Variants in PHTF2 observed in about 807,000 individuals in gnomAD.
PHTF2 encodes the protein protein PHTF2.
PHTF2 carries 60 observed loss-of-function variants against 101.2 expected under a neutral mutation model. The ratio of observed to expected loss-of-function variants is 0.59; its 90% CI spans 0.48 to 0.73. PHTF2 has a LOEUF of 0.73. PHTF2 is among the 30% of genes least tolerant of loss of function. The pLI, the probability that PHTF2 is intolerant of heterozygous loss-of-function variation, is 0.00. For missense variants in PHTF2, 747 were observed against 908.7 expected (o/e 0.82, Z 2.29); for synonymous variants, 311 against 307.3 (o/e 1.01, Z -0.13).
chr7:77,830,333 A>G (rs1442720244), intron 1 of PHTF2, among the ~76,000 whole-genome samples: 6 of 152,210 alleles, frequency 3.9e-5, no homozygotes, highest in Admixed American at 1.3e-4. Flanking sequence ...TAAAGTTTAT[A>G]TTATAAATTA....
At chr7:77,912,912 T>C (rs1802544933) in intron 9 of PHTF2, among the ~76,000 whole-genome samples, 1 of 151,854 alleles carries the variant, frequency 6.6e-6, no homozygotes, top group East Asian at 1.9e-4. Flanking sequence ...GAACCACTAT[T>C]TTAAAACCCT....
chr7:77,834,759 A>G (rs1013746441), intron 1 of PHTF2, among the ~76,000 whole-genome samples: 2 of 152,194 alleles, frequency 1.3e-5, no homozygotes, highest in Non-Finnish European at 2.9e-5. Flanking sequence ...CTTGATGCTT[A>G]GTCATTGCTT....
chr7:77,885,255 G>T (rs1799735331), intron 3 of PHTF2, among the ~76,000 whole-genome samples: 1 of 151,836 alleles, frequency 6.6e-6, no homozygotes, highest in Non-Finnish European at 1.5e-5. Flanking sequence ...TGCTGTACCT[G>T]GCTGATTTTT....
At chr7:77,879,041 G>C (rs770615462) in intron 3 of PHTF2, among the ~76,000 whole-genome samples, 2 of 152,104 alleles carry the variant, frequency 1.3e-5, no homozygotes, top group Non-Finnish European at 2.9e-5. Context: ...GCAGTCCCAG[G>C]TACTTAAGCC....
chr7:77,855,231 C>T (rs916086924), intron 3 of PHTF2, among the ~76,000 whole-genome samples: 1 of 152,234 alleles, frequency 6.6e-6, no homozygotes, highest in Admixed American at 6.5e-5. Context: ...AGTGGGTTCC[C>T]TTCTGTCCCA....
intron 1 of PHTF2, among the ~76,000 whole-genome samples, chr7:77,821,126 G>GTT (rs56131046): frequency 1.3e-5 from 2 of 149,620 alleles, no homozygotes; most frequent in African/African-American, 2.4e-5. Flanking sequence ...TTGGATGGCA[G>GTT]TTTTTTTTTT....
chr7:77,812,778 A>G (rs1793543412), intron 1 of PHTF2, among the ~76,000 whole-genome samples: 1 of 151,998 alleles, frequency 6.6e-6, no homozygotes, highest in Non-Finnish European at 1.5e-5. Flanking sequence ...TTTAGTAGAG[A>G]TGGGGTTTCA....
At position 77,920,381 on chromosome 7, in the gene PHTF2, A is replaced by G. The variant is rs780362374; in HGVS notation, c.879A>G (p.Ile293Met). The G allele has an allele frequency of 4.3e-6, 7 of 1,612,964 alleles. No homozygotes were observed. The African/African-American group carries it at 9.3e-5, about 22-fold the overall frequency. ...CTGTTAAAAGCGGTGAAGATGGAAT[A>G]CAAAACCATGAACCTCAGTGTGAAA... is the stretch of plus-strand genomic sequence containing the variant. Residue 293 changes from isoleucine (I) to methionine (M), a missense_variant, in exon 10 of 20, where the codon ATA becomes ATG. Ile to Met is a conservative substitution (Grantham distance 10). This residue lies in a region of PHTF2 where 349 missense variants were observed against 369.7 expected (regional missense o/e 0.94). Transcript: ENST00000416283.
chr7:77,802,885 A>G (rs187038706), intron 1 of PHTF2, among the ~76,000 whole-genome samples: 1 of 152,202 alleles, frequency 6.6e-6, no homozygotes, highest in Non-Finnish European at 1.5e-5. Flanking sequence ...TCGTGCTTCT[A>G]TCTTCTTCTC....
chr7:77,843,086 A>T (rs545931680), intron 2 of PHTF2, among the ~76,000 whole-genome samples: 1 of 152,234 alleles, frequency 6.6e-6, no homozygotes, highest in African/African-American at 2.4e-5. Context: ...TGGTCATTTT[A>T]TTGTAGATGT....
rs142456806 is a variant in PHTF2, at chr7:77,898,400, G to C, written c.217-2311G>C. On this transcript the variant is annotated intron_variant, in intron 5 of 19. Coordinates refer to ENST00000416283, the Ensembl canonical transcript of PHTF2. ...TTCAAATATTTTTACAGTAATAAAG[G>C]TAAAATCTTACTGTAATAAACAATA... 4.8e-4 allele frequency among the ~76,000 whole-genome samples: 73 copies of C among 152,240 alleles called. 1 individual carries two copies. In the East Asian group the frequency reaches 0.013, roughly 27 times the overall value.
At chr7:77,874,969 C>T (rs1798809824) in intron 3 of PHTF2, among the ~76,000 whole-genome samples, 1 of 152,198 alleles carries the variant, frequency 6.6e-6, no homozygotes, top group East Asian at 1.9e-4. Context: ...TATTCTGTTC[C>T]ATTGGTCTCT....
At chr7:77,947,907 C>T (rs1343241079) in intron 16 of PHTF2, among the ~76,000 whole-genome samples, 2 of 128,880 alleles carry the variant, frequency 1.6e-5, no homozygotes, top group East Asian at 2.8e-4. Flanking sequence ...GGCACGATCT[C>T]AGCTCACTGT....
At chr7:77,945,560 G>A (rs902405043) in intron 16 of PHTF2, among the ~76,000 whole-genome samples, 15 of 151,674 alleles carry the variant, frequency 9.9e-5, no homozygotes, top group Non-Finnish European at 2.2e-4. Context: ...AAGAATGATA[G>A]CAACAAAAAA....
chr7:77,809,662 A>G (rs889402203), intron 1 of PHTF2, among the ~76,000 whole-genome samples: 1 of 152,210 alleles, frequency 6.6e-6, no homozygotes, highest in Admixed American at 6.5e-5. Context: ...TTCAGTTTTT[A>G]TCGTCTTTGG....
At chr7:77,853,337 T>G (rs969987473) in intron 2 of PHTF2, among the ~76,000 whole-genome samples, 4 of 148,836 alleles carry the variant, frequency 2.7e-5, no homozygotes, top group Non-Finnish European at 4.4e-5. Context: ...CTTGATCAGT[T>G]CTGCTGTTGA....
intron 9 of PHTF2, among the ~76,000 whole-genome samples, chr7:77,914,064 TCAA>T (rs1802665606): frequency 9.4e-6 from 1 of 106,816 alleles, no homozygotes; most frequent in Non-Finnish European, 1.8e-5. Flanking sequence ...GGACTCTGTC[TCAA>T]AAAAAAAAAA....
intron 3 of PHTF2, among the ~76,000 whole-genome samples, chr7:77,890,599 CTTTTTTT>C (rs747882978): frequency 1.5e-4 from 13 of 84,208 alleles, no homozygotes; most frequent in South Asian, 4.3e-4. Context: ...AATAGTTACA[CTTTTTTT>C]TTTTTTTTTT....
intron 10 of PHTF2, among the ~76,000 whole-genome samples, chr7:77,920,745 G>A (rs1584715250): frequency 6.6e-6 from 1 of 152,066 alleles, no homozygotes; most frequent in African/African-American, 2.4e-5. Flanking sequence ...GAGGTGGTGC[G>A]ATCTTGGCTC....
Sources: allele counts gnomAD v4.1 joint callset (sites outside exome capture counted in the v4.1 genomes callset), GRCh38; gene constraint gnomAD v4.1.1; regional missense constraint gnomAD v4.1.1; transcripts MANE v1.5; gene names NCBI Gene and HGNC (gene_info 2026-07-23, HGNC 2026-07-21).